The following CUX2 variants were observed in gnomAD, a reference collection of about 807,000 sequenced individuals.
The protein encoded by CUX2 is homeobox protein cut-like 2.
Under a neutral mutation model 144.8 loss-of-function variants are expected in CUX2, and 40 were observed. That is an observed-to-expected ratio of 0.28 (90% confidence interval 0.21 to 0.36). The LOEUF (loss-of-function observed/expected upper bound fraction) is 0.36, where lower values mean the gene tolerates loss of function less well. Among genes scored for constraint, CUX2 ranks in the 10% least tolerant of loss-of-function variants. The pLI is 1.00. For synonymous variants in CUX2, 827 were observed against 875.6 expected (o/e 0.94, Z 0.98); for missense variants, 1,615 against 1,994.0 (o/e 0.81, Z 3.62).
Position 111,111,217 on chromosome 12 carries a change from G to C in CUX2, c.63+76977G>C, listed in dbSNP as rs559520499. Among the ~76,000 whole-genome samples the C allele has an allele frequency of 3.3e-5, 5 of 152,234 alleles. No individual in the cohort carries two copies. The South Asian group carries it at 6.2e-4, about 19-fold the overall frequency. ...CTCAGGAGGCTGAGGCAGGAGAATC[G>C]CTTGAACCCAGGAGGCGGAGGTTGC... is the stretch of plus-strand genomic sequence containing the variant. On this transcript the variant is annotated intron_variant, in intron 1 of 21. Coordinates refer to ENST00000261726, the MANE Select transcript of CUX2 (RefSeq NM_015267.4).
intron 3 of CUX2, among the ~76,000 whole-genome samples, chr12:111,245,434 C>A (rs1218641608): frequency 6.6e-6 from 1 of 151,766 alleles, no homozygotes; most frequent in Admixed American, 6.6e-5. Flanking sequence ...TTGATGCTAT[C>A]TATCTAGTCA....
chr12:111,349,732 T>C lies in CUX2; in HGVS notation c.*1407T>C, dbSNP rs139201571. 1.3e-5 allele frequency: 2 copies of C among 152,318 alleles called. No individual in the cohort carries two copies. Among genetic ancestry groups the C allele is most frequent in the African/African-American group, 4.8e-5 (2 of 41,568 alleles). 9.4% of individuals were successfully genotyped at this position (152,318 alleles called of 1,614,324 possible). A position where few individuals can be genotyped will look rare whatever the true frequency, so the allele number is the denominator to read the frequency against. ...CAATTTGGATAGAACGGCCACCATA[T>C]TGGTTACTGAATCTCTCTCCCTTGT... is the stretch of plus-strand genomic sequence containing the variant. On this transcript the variant is annotated 3_prime_UTR_variant, in exon 22 of 22. Transcript: ENST00000261726.
intron 2 of CUX2, 50 bp downstream of exon 2, chr12:111,214,360 C>T: frequency 9.2e-7 from 1 of 1,091,116 alleles, no homozygotes; most frequent in Non-Finnish European, 1.4e-6. Flanking sequence ...ATGCAGATTT[C>T]TCTCCATTCA....
At position 111,263,624 on chromosome 12, in the gene CUX2, C is replaced by CAAAA. The variant is rs377704177; in HGVS notation, c.223-135_223-132dup. The CAAAA allele has an allele frequency of 0.023, 17,706 of 763,736 alleles. 318 individuals are homozygous for CAAAA. The highest frequency in any genetic ancestry group is 0.074 in the Middle Eastern group (300 of 4,048). 47.3% of individuals were successfully genotyped at this position (763,736 alleles called of 1,614,324 possible). A position where few individuals can be genotyped will look rare whatever the true frequency, so the allele number is the denominator to read the frequency against. ...TGGGCGACAGAGCAAGACTCTCTCT[C>CAAAA]AAAAACAAAACAAAACAAAACAAAA... On this transcript the variant is annotated intron_variant, in intron 3 of 21. Coordinates refer to ENST00000261726, the MANE Select transcript of CUX2 (RefSeq NM_015267.4). The surrounding 1 kb of genome is among the most constrained non-coding windows in gnomAD (Gnocchi z 4.0).
In CUX2 at chr12:111,131,281, C is replaced by T. The variant is rs1273002547; in HGVS notation, c.64-82919C>T. Among the ~76,000 whole-genome samples the T allele has an allele frequency of 3.3e-5, 5 of 152,122 alleles. No homozygotes were observed. The East Asian group carries it at 9.6e-4, about 29-fold the overall frequency. ...ATCTCGTGAGACTTATTCACTATCACGAGAATAGCATGGGAAAGACCAGCC... is the reference window on the plus strand; with the variant it reads ...ATCTCGTGAGACTTATTCACTATCATGAGAATAGCATGGGAAAGACCAGCC... On this transcript the variant is annotated intron_variant, in intron 1 of 21. Coordinates refer to ENST00000261726, the MANE Select transcript of CUX2 (RefSeq NM_015267.4).
At chr12:111,274,440 C>A (rs1410514503) in intron 4 of CUX2, among the ~76,000 whole-genome samples, 2 of 152,146 alleles carry the variant, frequency 1.3e-5, no homozygotes, top group African/African-American at 4.8e-5. Context: ...ATAGTAAATG[C>A]TCAGTAAACA....
At chr12:111,071,498 T>G (rs1333596276) in intron 1 of CUX2, among the ~76,000 whole-genome samples, 1 of 152,230 alleles carries the variant, frequency 6.6e-6, no homozygotes, top group African/African-American at 2.4e-5. Context: ...TTTTAGGAGT[T>G]CTTTGTATAA....
At chr12:111,243,857 C>A (rs1314793469) in intron 3 of CUX2, among the ~76,000 whole-genome samples, 1 of 152,170 alleles carries the variant, frequency 6.6e-6, no homozygotes, top group African/African-American at 2.4e-5. Context: ...CATCTGTAAG[C>A]TCCCTGTCCA....
chr12:111,119,641 T>C (rs1874513519), intron 1 of CUX2, among the ~76,000 whole-genome samples: 1 of 152,224 alleles, frequency 6.6e-6, no homozygotes, highest in African/African-American at 2.4e-5. Context: ...GGAAGTTCTT[T>C]CAAGGGGAGG....
intron 1 of CUX2, among the ~76,000 whole-genome samples, chr12:111,132,279 C>A (rs1875537618): frequency 6.6e-6 from 1 of 152,180 alleles, no homozygotes; most frequent in Admixed American, 6.5e-5. Flanking sequence ...ACACAGGGCA[C>A]CAAGTCCTTA....
In CUX2 at chr12:111,263,274, C is replaced by T. The variant is rs983411410; in HGVS notation, c.223-487C>T. On this transcript the variant is annotated intron_variant, in intron 3 of 21. Transcript: ENST00000261726. This position sits in a 1 kb window ranked among gnomAD's most constrained non-coding sequence, Gnocchi z 4.0. Reference sequence around the variant, plus strand: ...CGCAGGAGGTCGAGACAAGCCTGGGCAACCTGTAGCAAGACCCCATCGCTT... The same window carrying T: ...CGCAGGAGGTCGAGACAAGCCTGGGTAACCTGTAGCAAGACCCCATCGCTT... Among the ~76,000 whole-genome samples, 1 of 152,024 alleles carries T rather than the reference C, an allele frequency of 6.6e-6. No homozygotes were observed. Among genetic ancestry groups the T allele is most frequent in the Non-Finnish European group, 1.5e-5 (1 of 68,006 alleles).
chr12:111,281,278 T>G (rs1274675735), intron 4 of CUX2, among the ~76,000 whole-genome samples: 3 of 151,964 alleles, frequency 2.0e-5, no homozygotes, highest in Non-Finnish European at 2.9e-5. Context: ...GCCACTGAGC[T>G]TTGCACAGAT....
At chr12:111,092,675 C>G (rs954679936) in intron 1 of CUX2, among the ~76,000 whole-genome samples, 3 of 152,046 alleles carry the variant, frequency 2.0e-5, no homozygotes, top group African/African-American at 7.2e-5. Context: ...CTAGGAGGGT[C>G]TAAGACCTTT....
chr12:111,329,252 C>G (rs772476912), intron 18 of CUX2, among the ~76,000 whole-genome samples: 25 of 151,540 alleles, frequency 1.6e-4, no homozygotes, highest in Non-Finnish European at 3.1e-4. Flanking sequence ...CTGTCCCCAG[C>G]TGCCCACAGC....
At chr12:111,212,339 C>T (rs1881280063) in intron 1 of CUX2, among the ~76,000 whole-genome samples, 1 of 152,072 alleles carries the variant, frequency 6.6e-6, no homozygotes, top group South Asian at 2.1e-4. Context: ...GTGGGAGTAC[C>T]CTGTGCTTCG....
intron 4 of CUX2, among the ~76,000 whole-genome samples, chr12:111,286,638 C>T (rs1966303): frequency 0.2 from 30,168 of 151,920 alleles, 3,985 homozygotes; most frequent in East Asian, 0.64. Context: ...ATTGGGAGGC[C>T]AAGGCAGGTG....
chr12:111,296,718 G>A (rs1399331895), intron 8 of CUX2, among the ~76,000 whole-genome samples, 179 bp downstream of exon 8: 1 of 107,576 alleles, frequency 9.3e-6, no homozygotes. Context: ...CCACCCTCTG[G>A]CCCTCCCAGA....
intron 1 of CUX2, among the ~76,000 whole-genome samples, chr12:111,143,411 C>T (rs762495160): frequency 4.6e-5 from 7 of 152,106 alleles, no homozygotes; most frequent in South Asian, 2.1e-4. Flanking sequence ...TCGCACCAGG[C>T]GTCGTCCACG....
At chr12:111,231,347 A>C (rs1882454819) in intron 3 of CUX2, among the ~76,000 whole-genome samples, 1 of 152,228 alleles carries the variant, frequency 6.6e-6, no homozygotes, top group Non-Finnish European at 1.5e-5. Flanking sequence ...TAATGTCCTC[A>C]AGGTTCACAC....
Sources: allele counts gnomAD v4.1 joint callset (sites outside exome capture counted in the v4.1 genomes callset), GRCh38; gene constraint gnomAD v4.1.1; non-coding constraint Gnocchi (gnomAD v3.1); transcripts MANE v1.5; gene names NCBI Gene and HGNC (gene_info 2026-07-23, HGNC 2026-07-21).